The following BEND7 variants were observed in gnomAD, a reference collection of about 807,000 sequenced individuals.
The protein encoded by BEND7 is BEN domain-containing protein 7.
BEND7 carries 28 observed loss-of-function variants against 50.9 expected under a neutral mutation model. The observed-to-expected ratio is 0.55, with a 90% confidence interval of 0.41 to 0.75. The LOEUF (loss-of-function observed/expected upper bound fraction) is 0.75. Among genes scored for constraint, BEND7 ranks in the 30% least tolerant of loss-of-function variants. BEND7 has a pLI of 0.00. For synonymous variants in BEND7, 170 were observed against 183.9 expected, an observed-to-expected ratio of 0.92 and a Z score of 0.61; for missense variants, 477 against 491.3, an observed-to-expected ratio of 0.97 and a Z score of 0.28.
chr10:13,446,021 G>A (rs1023696076), intron 8 of BEND7: 1 of 152,156 alleles, frequency 6.6e-6, no homozygotes, highest in African/African-American at 2.4e-5. Flanking sequence ...ATGACAAATT[G>A]GGAAGGAACA....
intron 8 of BEND7, chr10:13,445,563 G>A (rs1227856341): frequency 6.6e-6 from 1 of 152,188 alleles, no homozygotes; most frequent in Non-Finnish European, 1.5e-5. Context: ...TTTTTTTCCT[G>A]TAAAATAAAA....
chr10:13,441,125 A>T lies in BEND7; in HGVS notation c.*618T>A. The T allele has an allele frequency of 5.1e-6, 5 of 985,378 alleles. No homozygotes were observed. The highest frequency in any genetic ancestry group is 6.0e-6 in the Non-Finnish European group (5 of 829,878). The allele number at this position is 985,378 out of a possible 1,614,324, so 61.0% of individuals were successfully genotyped here. A position where few individuals can be genotyped will look rare whatever the true frequency, so the allele number is the denominator to read the frequency against. ...AATTTATTGTATTCTTCCAGATCAG[A>T]CATAAAGAGCATCTTGGGAATTGAT... is the stretch of plus-strand genomic sequence containing the variant. On this transcript the variant is annotated 3_prime_UTR_variant, in exon 9 of 9. Transcript: ENST00000466271.
At chr10:13,456,581 A>G (rs1839025171) in intron 6 of BEND7, among the ~76,000 whole-genome samples, 1 of 152,166 alleles carries the variant, frequency 6.6e-6, no homozygotes, top group Non-Finnish European at 1.5e-5. Flanking sequence ...AGGTTGCCCA[A>G]TGTATGATAT....
At chr10:13,498,947 T>TC (rs2077238285) in intron 3 of BEND7, among the ~76,000 whole-genome samples, 1 of 152,238 alleles carries the variant, frequency 6.6e-6, no homozygotes, top group South Asian at 2.1e-4. Flanking sequence ...GTTCTCTTTT[T>TC]CTTGAAGGAT....
intron 6 of BEND7, among the ~76,000 whole-genome samples, chr10:13,464,840 C>A (rs542063495): frequency 6.6e-6 from 1 of 152,208 alleles, no homozygotes; most frequent in South Asian, 2.1e-4. Context: ...ATACTCCTTA[C>A]ACACACACTC....
At chr10:13,456,934 A>C (rs989054397) in intron 6 of BEND7, among the ~76,000 whole-genome samples, 2 of 152,236 alleles carry the variant, frequency 1.3e-5, no homozygotes, top group Non-Finnish European at 2.9e-5. Flanking sequence ...TACCCACAAG[A>C]ACATTTACTG....
intron 2 of BEND7, among the ~76,000 whole-genome samples, chr10:13,515,585 G>A (rs1458117462): frequency 2.0e-5 from 3 of 152,204 alleles, no homozygotes. Context: ...AAATATGCGT[G>A]CAATAAGCTA....
At chr10:13,490,304 G>A (rs2076557228) in intron 5 of BEND7, among the ~76,000 whole-genome samples, 2 of 152,218 alleles carry the variant, frequency 1.3e-5, no homozygotes, top group Admixed American at 1.3e-4. Context: ...TGTGCTCGAG[G>A]TGTCTAGCAA....
At position 13,474,263 on chromosome 10, in the gene BEND7, G is replaced by A. The variant is rs1268637253; in HGVS notation, c.1063+6636C>T. On this transcript the variant is annotated intron_variant, in intron 6 of 8. Transcript: ENST00000466271. ...CTCGGGGTCGACACCCATCATCGCC[G>A]TTGGACTCGGGGCTGATACCCGTCA... is the stretch of plus-strand genomic sequence containing the variant. 5.3e-5 allele frequency among the ~76,000 whole-genome samples: 8 copies of A among 151,954 alleles called. No individual in the cohort carries two copies. The South Asian group carries it at 1.2e-3, about 24-fold the overall frequency.
intron 2 of BEND7, among the ~76,000 whole-genome samples, chr10:13,505,581 C>T (rs771776654): frequency 6.6e-6 from 1 of 152,234 alleles, no homozygotes; most frequent in Non-Finnish European, 1.5e-5. Flanking sequence ...TAAACTCTCA[C>T]ACTGTGCTTG....
intron 8 of BEND7, chr10:13,444,452 C>T (rs982264307): frequency 1.3e-5 from 2 of 152,156 alleles, no homozygotes; most frequent in African/African-American, 2.4e-5. Flanking sequence ...CCCCCAAATA[C>T]ACAACTTTGG....
chr10:13,490,146 G>A (rs2076544883), intron 5 of BEND7, among the ~76,000 whole-genome samples: 1 of 152,180 alleles, frequency 6.6e-6, no homozygotes. Flanking sequence ...TTTGTGCCAT[G>A]GGTATATACA....
chr10:13,500,465 A>G lies in BEND7; in HGVS notation c.146-385T>C. Reference sequence around the variant, plus strand: ...GAACCCCTCTGCTCTGATGGGCCACAGCCACCCGTGAGGAATGGGCAGGTC... The same window carrying G: ...GAACCCCTCTGCTCTGATGGGCCACGGCCACCCGTGAGGAATGGGCAGGTC... On this transcript the variant is annotated intron_variant, in intron 2 of 8. Coordinates refer to ENST00000466271, the MANE Select transcript of BEND7 (RefSeq NM_001369863.1). The G allele has an allele frequency of 3.0e-5, 30 of 985,536 alleles. 1 individual carries two copies. Among genetic ancestry groups the G allele is most frequent in the Non-Finnish European group, 3.6e-5 (30 of 822,688 alleles). The allele number at this position is 985,536 out of a possible 1,614,324, so 61.0% of individuals were successfully genotyped here.
intron 4 of BEND7, among the ~76,000 whole-genome samples, chr10:13,495,167 T>C (rs1248679237): frequency 6.6e-6 from 1 of 152,230 alleles, no homozygotes; most frequent in Non-Finnish European, 1.5e-5. Flanking sequence ...CATATTTTCT[T>C]AAGTGCTAAC....
chr10:13,509,763 C>T (rs975587939), intron 2 of BEND7, among the ~76,000 whole-genome samples: 7 of 152,070 alleles, frequency 4.6e-5, no homozygotes, highest in Admixed American at 1.3e-4. Context: ...GGCGAATCAG[C>T]GAACTTAGCT....
chr10:13,513,988 GGCCCTGCCA>G (rs2078470357), intron 2 of BEND7, among the ~76,000 whole-genome samples: 2 of 152,202 alleles, frequency 1.3e-5, no homozygotes, highest in African/African-American at 4.8e-5. Flanking sequence ...GTGCAGCCCT[GGCCCTGCCA>G]AAGGCCTTTT....
intron 6 of BEND7, among the ~76,000 whole-genome samples, chr10:13,471,602 A>G (rs1814051998): frequency 6.6e-6 from 1 of 152,246 alleles, no homozygotes; most frequent in Admixed American, 6.5e-5. Flanking sequence ...GTGGGCAGCT[A>G]TTCTGTCTAG....
At chr10:13,509,867 T>C (rs780929088) in intron 2 of BEND7, among the ~76,000 whole-genome samples, 1 of 152,208 alleles carries the variant, frequency 6.6e-6, no homozygotes, top group African/African-American at 2.4e-5. Flanking sequence ...ATGAAGGTTT[T>C]TGTAAGAGCG....
Position 13,441,459 on chromosome 10 carries a change from G to T in BEND7, c.*284C>A. The T allele has an allele frequency of 8.7e-7, 1 of 1,155,066 alleles. No homozygotes were observed. Among genetic ancestry groups the T allele is most frequent in the South Asian group, 4.4e-5 (1 of 22,502 alleles). 71.6% of individuals were successfully genotyped at this position (1,155,066 alleles called of 1,614,324 possible). On this transcript the variant is annotated 3_prime_UTR_variant, in exon 9 of 9. Coordinates refer to ENST00000466271, the MANE Select transcript of BEND7 (RefSeq NM_001369863.1). ...ATCCGTTCATCGCACACATCTTTGG[G>T]TTGAACAAGCTCCACCCGTCCTCAA...
Sources: gnomAD v4.1 joint callset for allele counts (sites outside exome capture counted in the v4.1 genomes callset) on GRCh38, gnomAD v4.1.1 for gene constraint, MANE v1.5 for transcripts, NCBI Gene and HGNC (gene_info 2026-07-23, HGNC 2026-07-21) for gene names.